The following KCNC1 variants were observed in gnomAD, a reference collection of about 807,000 sequenced individuals.
KCNC1 encodes voltage-gated potassium channel KCNC1.
In KCNC1, 8 loss-of-function variants were observed where a neutral mutation model predicts 43.4. That is an observed-to-expected ratio of 0.18 (90% confidence interval 0.11 to 0.33). The LOEUF is 0.33. KCNC1 is among the 10% of genes least tolerant of loss of function. The probability of loss-of-function intolerance (pLI) is 1.00; values close to 1 mark genes in which losing one functional copy is unlikely to be tolerated. For synonymous variants in KCNC1, 361 were observed against 360.5 expected (o/e 1.00, Z -0.01); for missense variants, 420 against 836.0 (o/e 0.50, Z 6.14).
intron 2 of KCNC1, among the ~76,000 whole-genome samples, chr11:17,778,957 C>T (rs1405059792): frequency 6.6e-6 from 1 of 151,964 alleles, no homozygotes; most frequent in East Asian, 1.9e-4. Context: ...CTGTATGGAG[C>T]TAGGGAAGCC....
At chr11:17,743,454 G>C (rs1310065175) in intron 1 of KCNC1, among the ~76,000 whole-genome samples, 1 of 152,254 alleles carries the variant, frequency 6.6e-6, no homozygotes, top group Non-Finnish European at 1.5e-5. Context: ...GGTAATGGCA[G>C]GTGAGGGCCC....
intron 1 of KCNC1, among the ~76,000 whole-genome samples, chr11:17,751,009 T>C (rs1848962964): frequency 6.6e-6 from 1 of 152,204 alleles, no homozygotes; most frequent in Non-Finnish European, 1.5e-5. Context: ...AATCAATCGA[T>C]CTTTGCTAAA....
chr11:17,781,876 G>C lies in KCNC1; in HGVS notation c.*142G>C. 1 of 514,548 alleles carries C rather than the reference G, an allele frequency of 1.9e-6. No individual in the cohort carries two copies. Among genetic ancestry groups the C allele is most frequent in the African/African-American group, 2.0e-5 (1 of 51,156 alleles). The allele number at this position is 514,548 out of a possible 1,614,324, so 31.9% of individuals were successfully genotyped here. A position where few individuals can be genotyped will look rare whatever the true frequency, so the allele number is the denominator to read the frequency against. ...GTGGCCCAGGCATTGTACTAGGACG[G>C]ACGTAGCTTTTTCTACGGCCAAATG... On this transcript the variant is annotated 3_prime_UTR_variant, in exon 4 of 4. Transcript: ENST00000265969. This position sits in a 1 kb window ranked among gnomAD's most constrained non-coding sequence, Gnocchi z 5.1.
intron 1 of KCNC1, among the ~76,000 whole-genome samples, chr11:17,763,275 C>A (rs560448537): frequency 2.0e-5 from 3 of 152,084 alleles, no homozygotes; most frequent in South Asian, 2.1e-4. Flanking sequence ...CTCAGCCCCC[C>A]ACCCTGCCTA....
Position 17,776,699 on chromosome 11 carries a change from G to A in KCNC1, c.1505-2757G>A. 1.0e-6 allele frequency: 1 copy of A among 985,410 alleles called. No homozygotes were observed. The highest frequency in any genetic ancestry group is 1.7e-5 in the African/African-American group (1 of 57,340). 61.0% of individuals were successfully genotyped at this position (985,410 alleles called of 1,614,324 possible). A position where few individuals can be genotyped will look rare whatever the true frequency, so the allele number is the denominator to read the frequency against. On this transcript the variant is annotated intron_variant, in intron 2 of 3. Transcript: ENST00000265969. This position sits in a 1 kb window ranked among gnomAD's most constrained non-coding sequence, Gnocchi z 4.4. ...GCCCCCAGCCTCTGGAAAGCAGGTG[G>A]GAATGGAGGCTCCTAGCCACTATCT... is the stretch of plus-strand genomic sequence containing the variant.
chr11:17,740,951 C>T (rs1484702060), intron 1 of KCNC1, among the ~76,000 whole-genome samples: 2 of 152,132 alleles, frequency 1.3e-5, no homozygotes, highest in African/African-American at 2.4e-5. Context: ...CTCTTGGAGT[C>T]GTGGCTTGGC....
intron 1 of KCNC1, among the ~76,000 whole-genome samples, chr11:17,747,331 G>C (rs957710172): frequency 6.6e-6 from 1 of 152,202 alleles, no homozygotes; most frequent in Non-Finnish European, 1.5e-5. Flanking sequence ...GGTGTGGCAG[G>C]GTATAAAGGG....
intron 1 of KCNC1, among the ~76,000 whole-genome samples, chr11:17,761,734 T>A (rs1422981039): frequency 6.6e-6 from 1 of 152,176 alleles, no homozygotes; most frequent in Non-Finnish European, 1.5e-5. Flanking sequence ...TCTGGCCCCA[T>A]GGATCCCAAA....
chr11:17,753,713 G>A (rs1483208342), intron 1 of KCNC1, among the ~76,000 whole-genome samples: 1 of 152,074 alleles, frequency 6.6e-6, no homozygotes, highest in African/African-American at 2.4e-5. Context: ...GGGGTGGGGA[G>A]GGGGCGGGTG....
chr11:17,767,148 T>C (rs139642774), intron 1 of KCNC1, among the ~76,000 whole-genome samples: 3,097 of 139,504 alleles, frequency 0.022, 107 homozygotes, highest in African/African-American at 0.077. Flanking sequence ...AAAAAAAAAT[T>C]AGCCGGCTGT....
At chr11:17,758,368 C>T (rs188471728) in intron 1 of KCNC1, among the ~76,000 whole-genome samples, 3 of 152,288 alleles carry the variant, frequency 2.0e-5, no homozygotes, top group Non-Finnish European at 2.9e-5. Flanking sequence ...AAGTCATTCA[C>T]GAGAATTGGA....
At position 17,739,036 on chromosome 11, in the gene KCNC1, G is replaced by A. The variant is rs1016129906; in HGVS notation, c.570+2464G>A. Among the ~76,000 whole-genome samples, 41 of 152,314 alleles carry A rather than the reference G, an allele frequency of 2.7e-4. No individual in the cohort carries two copies. The highest frequency in any genetic ancestry group is 6.8e-3 in the Middle Eastern group (2 of 294). On this transcript the variant is annotated intron_variant, in intron 1 of 3. Coordinates refer to ENST00000265969, the MANE Select transcript of KCNC1 (RefSeq NM_001112741.2). The surrounding 1 kb of genome is among the most constrained non-coding windows in gnomAD (Gnocchi z 4.2). ...AACCCCAGCTTCCTGCCGCCCGCCC[G>A]GCTGGCCTAGCTGCACTGCGCTGCC...
At chr11:17,749,711 C>T (rs935364276) in intron 1 of KCNC1, among the ~76,000 whole-genome samples, 3 of 152,218 alleles carry the variant, frequency 2.0e-5, no homozygotes, top group East Asian at 1.9e-4. Context: ...TGTAAACCCA[C>T]GTGTGTGGCT....
chr11:17,780,392 C>T (rs1168353124), intron 3 of KCNC1: 1 of 152,456 alleles, frequency 6.6e-6, no homozygotes, highest in Non-Finnish European at 1.5e-5. Context: ...GCTAGGCTGT[C>T]CCCACTGGAG....
chr11:17,745,571 G>A (rs74394717), intron 1 of KCNC1, among the ~76,000 whole-genome samples: 84 of 152,166 alleles, frequency 5.5e-4, no homozygotes, highest in African/African-American at 1.8e-3. Flanking sequence ...TCAGCCCTCC[G>A]CTCCATCTCA....
chr11:17,749,012 C>T (rs1848934198), intron 1 of KCNC1, among the ~76,000 whole-genome samples: 1 of 152,140 alleles, frequency 6.6e-6, no homozygotes, highest in African/African-American at 2.4e-5. Context: ...TCTTTCCAGT[C>T]ACACAGGCCT....
At position 17,776,416 on chromosome 11, in the gene KCNC1, C is replaced by A. The variant is rs1482337087; in HGVS notation, c.1505-3040C>A. On this transcript the variant is annotated intron_variant, in intron 2 of 3. Transcript: ENST00000265969. The surrounding 1 kb of genome is among the most constrained non-coding windows in gnomAD (Gnocchi z 4.4). The stretch of plus-strand genomic sequence containing the variant: ...CAGCCCCGCGTGCGCCCCTCCGGTG[C>A]CCGCAGCTGGTGTGAACAGTAAGTA... 1 of 985,354 alleles carries A rather than the reference C, an allele frequency of 1.0e-6. No homozygotes were observed. 61.0% of individuals were successfully genotyped at this position (985,354 alleles called of 1,614,324 possible).
Position 17,771,624 on chromosome 11 carries a change from T to A in KCNC1, c.571-41T>A. 1.9e-6 allele frequency: 3 copies of A among 1,552,350 alleles called. No individual in the cohort carries two copies. Among genetic ancestry groups the A allele is most frequent in the Non-Finnish European group, 2.6e-6 (3 of 1,139,530 alleles). ...AGAGGCAACCCAGGCTTCTCCACTC[T>A]GGGTGGGCCTCCCTCTGACACTGTG... On this transcript the variant is annotated intron_variant, in intron 1 of 3. Transcript: ENST00000265969. This position sits in a 1 kb window ranked among gnomAD's most constrained non-coding sequence, Gnocchi z 4.7.
At chr11:17,770,428 G>A (rs1313737206) in intron 1 of KCNC1, among the ~76,000 whole-genome samples, 1 of 152,210 alleles carries the variant, frequency 6.6e-6, no homozygotes, top group East Asian at 1.9e-4. Flanking sequence ...ACTGGCAGGG[G>A]CCCATCCACC....
Sources: gnomAD v4.1 joint callset for allele counts (sites outside exome capture counted in the v4.1 genomes callset) on GRCh38, gnomAD v4.1.1 for gene constraint, Gnocchi (gnomAD v3.1) non-coding constraint, MANE v1.5 for transcripts, NCBI Gene and HGNC (gene_info 2026-07-23, HGNC 2026-07-21) for gene names.